The following RBM19 variants were observed in gnomAD, a reference collection of about 807,000 sequenced individuals.
RBM19 encodes RNA binding motif protein 19, also known as probable RNA-binding protein 19.
In RBM19, 94 loss-of-function variants were observed where a neutral mutation model predicts 116.8. The ratio of observed to expected loss-of-function variants is 0.80; its 90% CI spans 0.68 to 0.95. The LOEUF (loss-of-function observed/expected upper bound fraction) is 0.95, where lower values mean the gene tolerates loss of function less well. RBM19 is among the 40% of genes least tolerant of loss of function. RBM19 has a pLI of 0.00. For missense variants in RBM19, 1,161 were observed against 1,220.7 expected (o/e 0.95, Z 0.73); for synonymous variants, 475 against 494.1 (o/e 0.96, Z 0.51).
rs948426316 is a variant in RBM19, at chr12:113,858,884, C to T, written c.2571G>A (p.Glu857=). The T allele has an allele frequency of 1.9e-6, 3 of 1,614,176 alleles. No individual in the cohort carries two copies. Among genetic ancestry groups the T allele is most frequent in the South Asian group, 2.2e-5 (2 of 91,074 alleles). Reference sequence around the variant, plus strand: ...TCTTTGGCAGGCGGACCGTCTTCAACTCCCCAAAGGTGCTAGAAACAAAAG... The same window carrying T: ...TCTTTGGCAGGCGGACCGTCTTCAATTCCCCAAAGGTGCTAGAAACAAAAG... The part of the protein sequence containing the change: ...EIRELFSTFG[E]LKTVRLPKKM... The change falls in exon 22 of 24, where the codon GAG becomes GAA. Residue 857 remains glutamate, a synonymous_variant. Coordinates refer to ENST00000261741, the MANE Select transcript of RBM19 (RefSeq NM_016196.4).
chr12:113,959,530 C>T, intron 4 of RBM19, 126 bp from the exon 5 acceptor site: 1 of 1,141,430 alleles, frequency 8.8e-7, no homozygotes, highest in Non-Finnish European at 1.2e-6. Context: ...AAGCTAATTT[C>T]CCCCATTCTC....
intron 22 of RBM19, among the ~76,000 whole-genome samples, chr12:113,846,440 G>A (rs1876980539): frequency 6.6e-6 from 1 of 152,188 alleles, no homozygotes; most frequent in East Asian, 1.9e-4. Context: ...GGTAGCTGCA[G>A]ATGTAATCAG....
intron 16 of RBM19, among the ~76,000 whole-genome samples, chr12:113,936,248 C>A (rs1481292275): frequency 1.3e-5 from 2 of 152,080 alleles, no homozygotes; most frequent in Non-Finnish European, 2.9e-5. Context: ...TTATTACTGA[C>A]AAGGAAAATC....
At chr12:113,879,188 C>T (rs529781648) in intron 21 of RBM19, among the ~76,000 whole-genome samples, 7 of 152,210 alleles carry the variant, frequency 4.6e-5, no homozygotes, top group Non-Finnish European at 1.0e-4. Flanking sequence ...TGGGGTCCAC[C>T]AGGGCACAGG....
At chr12:113,947,871 A>G (rs1335705524) in intron 10 of RBM19, among the ~76,000 whole-genome samples, 1 of 152,146 alleles carries the variant, frequency 6.6e-6, no homozygotes, top group African/African-American at 2.4e-5. Flanking sequence ...TCAACTCTGA[A>G]TGCCAGGGTG....
At position 113,937,862 on chromosome 12, in the gene RBM19, G is replaced by T. The variant is rs1870213976; in HGVS notation, c.1939-726C>A. On this transcript the variant is annotated intron_variant, in intron 15 of 23. Coordinates refer to ENST00000261741, the MANE Select transcript of RBM19 (RefSeq NM_016196.4). Reference sequence around the variant, plus strand: ...CGGTTACTGGGGAGCTGCAGGACAGGGGTGGGAGTGAGACTTGTCAACAAA... The same window carrying T: ...CGGTTACTGGGGAGCTGCAGGACAGTGGTGGGAGTGAGACTTGTCAACAAA... Among the ~76,000 whole-genome samples, 2 of 152,064 alleles carry T rather than the reference G, an allele frequency of 1.3e-5. 1 individual carries two copies. Among genetic ancestry groups the T allele is most frequent in the South Asian group, 4.2e-4 (2 of 4,818 alleles).
intron 21 of RBM19, among the ~76,000 whole-genome samples, chr12:113,882,346 T>C (rs1177275183): frequency 6.6e-6 from 1 of 152,184 alleles, no homozygotes; most frequent in African/African-American, 2.4e-5. Context: ...AGCAAATCAC[T>C]CACACCCTGT....
intron 23 of RBM19, among the ~76,000 whole-genome samples, chr12:113,832,581 T>G (rs1228955329): frequency 1.3e-5 from 2 of 152,216 alleles, no homozygotes. Context: ...GGACCCGCTA[T>G]GGCAATCCGG....
chr12:113,829,003 C>CTT (rs5801007), intron 23 of RBM19, among the ~76,000 whole-genome samples: 3,568 of 146,136 alleles, frequency 0.024, 75 homozygotes, highest in Middle Eastern at 0.038. Context: ...AGGGCTGTGC[C>CTT]TTTTTTTTTT....
chr12:113,898,211 G>A lies in RBM19; in HGVS notation c.2558+16758C>T, dbSNP rs1048486402. On this transcript the variant is annotated intron_variant, in intron 21 of 23. Coordinates refer to ENST00000261741, the MANE Select transcript of RBM19 (RefSeq NM_016196.4). This position sits in a 1 kb window ranked among gnomAD's most constrained non-coding sequence, Gnocchi z 4.3. Reference sequence around the variant, plus strand: ...CATGTGTGTTGAGGGTGGGGTGGGGGTGGAGAGGATTTGCTCTTTTTGTAG... The same window carrying A: ...CATGTGTGTTGAGGGTGGGGTGGGGATGGAGAGGATTTGCTCTTTTTGTAG... Among the ~76,000 whole-genome samples the A allele has an allele frequency of 6.6e-6, 1 of 151,884 alleles. No individual in the cohort carries two copies.
intron 19 of RBM19, 142 bp from the exon 20 acceptor site, chr12:113,918,589 C>G (rs1441525235): frequency 2.5e-6 from 2 of 802,738 alleles, no homozygotes; most frequent in Admixed American, 2.8e-5. Flanking sequence ...GTCTAGAGGA[C>G]AGAGGATGGT....
At chr12:113,857,946 T>C (rs1489893514) in intron 22 of RBM19, among the ~76,000 whole-genome samples, 3 of 152,232 alleles carry the variant, frequency 2.0e-5, no homozygotes, top group African/African-American at 7.2e-5. Context: ...GAGACCTCCC[T>C]GTCACTTTAT....
intron 16 of RBM19, among the ~76,000 whole-genome samples, chr12:113,933,424 G>A (rs1363869415): frequency 2.0e-5 from 3 of 152,174 alleles, no homozygotes; most frequent in African/African-American, 7.2e-5. Flanking sequence ...TGCAGTGAGG[G>A]CAGGAGGAGG....
intron 22 of RBM19, among the ~76,000 whole-genome samples, chr12:113,852,229 G>A (rs1334017064): frequency 6.6e-6 from 1 of 152,078 alleles, no homozygotes; most frequent in Non-Finnish European, 1.5e-5. Context: ...AGTCCGCACA[G>A]AAGCTCCAGG....
At chr12:113,933,449 T>C (rs1214195028) in intron 16 of RBM19, among the ~76,000 whole-genome samples, 1 of 152,108 alleles carries the variant, frequency 6.6e-6, no homozygotes, top group African/African-American at 2.4e-5. Flanking sequence ...GGAGATCAGC[T>C]CTGTGGGAAT....
chr12:113,873,044 C>T (rs1265487), intron 21 of RBM19, among the ~76,000 whole-genome samples: 78 of 119,148 alleles, frequency 6.5e-4, no homozygotes, highest in Non-Finnish European at 1.2e-3. Context: ...CCGCCCCGTC[C>T]GGGAGGGAGG....
chr12:113,872,877 T>TG (rs1480393373), intron 21 of RBM19, among the ~76,000 whole-genome samples: 68 of 42,280 alleles, frequency 1.6e-3, no homozygotes, highest in East Asian at 9.4e-3. Context: ...GGGAGGGAGG[T>TG]GGGGGGGTCA....
At chr12:113,896,746 T>A (rs1201152647) in intron 21 of RBM19, among the ~76,000 whole-genome samples, 1 of 151,374 alleles carries the variant, frequency 6.6e-6, no homozygotes, top group Non-Finnish European at 1.5e-5. Context: ...GTACGAAGAG[T>A]CGAAACAAAA....
At chr12:113,866,365 G>T (rs1433352276) in intron 21 of RBM19, among the ~76,000 whole-genome samples, 1 of 152,140 alleles carries the variant, frequency 6.6e-6, no homozygotes, top group Non-Finnish European at 1.5e-5. Flanking sequence ...CGTTTCCTTG[G>T]GGTCCTTTCC....
Sources: allele counts gnomAD v4.1 joint callset (sites outside exome capture counted in the v4.1 genomes callset), GRCh38; gene constraint gnomAD v4.1.1; non-coding constraint Gnocchi (gnomAD v3.1); transcripts MANE v1.5; gene names NCBI Gene and HGNC (gene_info 2026-07-23, HGNC 2026-07-21).